The following ENTREP1 variants were observed in gnomAD, a reference collection of about 807,000 sequenced individuals.
ENTREP1 encodes the protein endosomal transmembrane epsin interactor 1.
chr9:69,332,575 T>G, the ENTREP1 span, among the ~76,000 whole-genome samples: 1 of 152,220 alleles, frequency 6.6e-6, no homozygotes, highest in Non-Finnish European at 1.5e-5. Context: ...TTCTCATTTG[T>G]CATGTATTTG....
the ENTREP1 span, among the ~76,000 whole-genome samples, chr9:69,359,784 T>G: frequency 0.82 from 124,039 of 152,086 alleles, 50,653 homozygotes; most frequent in South Asian, 0.88. Context: ...GATGACAACT[T>G]CATGAAAGGA....
chr9:69,381,916 T>A, the ENTREP1 span: 4 of 152,188 alleles, frequency 2.6e-5, no homozygotes, highest in African/African-American at 9.7e-5. Context: ...CGGGAAGAAA[T>A]TCTACAATAG....
the ENTREP1 span, among the ~76,000 whole-genome samples, chr9:69,376,967 T>A: frequency 6.6e-6 from 1 of 152,182 alleles, no homozygotes; most frequent in Non-Finnish European, 1.5e-5. Flanking sequence ...CAGTGTGCTG[T>A]GCTGGTGGGA....
chr9:69,387,879 C>T, the ENTREP1 span: 2 of 1,353,566 alleles, frequency 1.5e-6, no homozygotes, highest in Non-Finnish European at 1.9e-6. Flanking sequence ...TTATGGTTTG[C>T]ATTCTGGATT....
the ENTREP1 span, among the ~76,000 whole-genome samples, chr9:69,334,203 C>T: frequency 2.0e-4 from 30 of 152,318 alleles, 1 homozygote; most frequent in South Asian, 6.2e-3. Flanking sequence ...ACGCCCTGCC[C>T]TGTGTCTTCA....
the ENTREP1 span, among the ~76,000 whole-genome samples, chr9:69,358,902 C>CTTTT: frequency 4.8e-4 from 46 of 96,318 alleles, no homozygotes; most frequent in East Asian, 8.0e-4. Context: ...CTTTTTCTTT[C>CTTTT]TTTTTTTTTT....
chr9:69,350,333 C>T, the ENTREP1 span, among the ~76,000 whole-genome samples: 1 of 34,202 alleles, frequency 2.9e-5, no homozygotes, highest in Non-Finnish European at 5.1e-5. Flanking sequence ...TAGAAAGACT[C>T]TTTTTCCCCT....
chr9:69,378,601 A>G, the ENTREP1 span, among the ~76,000 whole-genome samples: 1 of 152,056 alleles, frequency 6.6e-6, no homozygotes, highest in Non-Finnish European at 1.5e-5. Context: ...TACTAAAAAT[A>G]CAAAAAAATT....
chr9:69,380,850 C>G, the ENTREP1 span: 1 of 152,436 alleles, frequency 6.6e-6, no homozygotes, highest in Non-Finnish European at 1.5e-5. Flanking sequence ...TAAAGCAGAG[C>G]CCCCCCAAAC....
At chr9:69,355,592 TAACA>T in the ENTREP1 span, among the ~76,000 whole-genome samples, 2 of 152,194 alleles carry the variant, frequency 1.3e-5, no homozygotes, top group Non-Finnish European at 2.9e-5. Context: ...ACTGACTGCA[TAACA>T]AACCACCCCA....
chr9:69,383,077 C>T, the ENTREP1 span: 53 of 984,872 alleles, frequency 5.4e-5, no homozygotes, highest in South Asian at 9.4e-4. Flanking sequence ...TTGCTGTTGA[C>T]GGTTCTTTAC....
At chr9:69,350,165 A>G in the ENTREP1 span, among the ~76,000 whole-genome samples, 2 of 152,200 alleles carry the variant, frequency 1.3e-5, no homozygotes, top group Admixed American at 1.3e-4. Flanking sequence ...CAAGGTCATG[A>G]ACGCTTACTC....
chr9:69,328,426 C>G, the ENTREP1 span, among the ~76,000 whole-genome samples: 2 of 152,116 alleles, frequency 1.3e-5, no homozygotes, highest in Non-Finnish European at 2.9e-5. Flanking sequence ...AAAAACTCAA[C>G]AAATGTAGAA....
chr9:69,381,803 T>C, the ENTREP1 span: 1 of 152,234 alleles, frequency 6.6e-6, no homozygotes, highest in Non-Finnish European at 1.5e-5. Context: ...AGCATCTTCC[T>C]TCAAAGTGAG....
the ENTREP1 span, among the ~76,000 whole-genome samples, chr9:69,331,679 T>C: frequency 1.3e-5 from 2 of 152,180 alleles, no homozygotes; most frequent in Non-Finnish European, 2.9e-5. Flanking sequence ...GGATGAAAAG[T>C]GTGTTTAGTC....
the ENTREP1 span, chr9:69,387,948 G>A: frequency 6.6e-7 from 1 of 1,521,180 alleles, no homozygotes. Flanking sequence ...ACAATGACGT[G>A]TTTCGGGCCA....
chr9:69,329,579 A>T, the ENTREP1 span: 1 of 985,302 alleles, frequency 1.0e-6, no homozygotes, highest in South Asian at 4.7e-5. Context: ...GTTTTTGAGC[A>T]CTCTGAGCAT....
At chr9:69,329,570 T>G in the ENTREP1 span, 1 of 985,194 alleles carries the variant, frequency 1.0e-6, no homozygotes, top group Non-Finnish European at 1.2e-6. Flanking sequence ...GTAGTCTGTG[T>G]TTTTGAGCAC....
the ENTREP1 span, among the ~76,000 whole-genome samples, chr9:69,333,633 A>G: frequency 2.0e-5 from 3 of 152,202 alleles, no homozygotes; most frequent in Non-Finnish European, 4.4e-5. Flanking sequence ...GAAAAAATAC[A>G]TTCCAAAAAG....
Sources: allele counts gnomAD v4.1 joint callset (sites outside exome capture counted in the v4.1 genomes callset), GRCh38; gene constraint gnomAD v4.1.1; transcripts MANE v1.5; gene names NCBI Gene and HGNC (gene_info 2026-07-23, HGNC 2026-07-21).